The following ZNF610 variants were observed in gnomAD, a reference collection of about 807,000 sequenced individuals.
ZNF610 encodes zinc finger protein 610.
In ZNF610, 14 loss-of-function variants were observed where a neutral mutation model predicts 14.1. That is an observed-to-expected ratio of 0.99 (90% CI 0.65 to 1.55). The LOEUF (loss-of-function observed/expected upper bound fraction) is 1.55. ZNF610 is among the 40% of genes most tolerant of loss of function. ZNF610 has a pLI of 0.00. For synonymous variants in ZNF610, 185 were observed against 187.6 expected, an observed-to-expected ratio of 0.99 and a Z score of 0.11; for missense variants, 530 against 558.0, an observed-to-expected ratio of 0.95 and a Z score of 0.51.
chr19:52,357,713 C>A (rs891552039), intron 5 of ZNF610, among the ~76,000 whole-genome samples: 3 of 151,548 alleles, frequency 2.0e-5, no homozygotes, highest in African/African-American at 7.3e-5. Context: ...ACCTTGTAGT[C>A]CCAGCTACTC....
chr19:52,344,798 T>C (rs1984857636), intron 1 of ZNF610, among the ~76,000 whole-genome samples: 1 of 152,180 alleles, frequency 6.6e-6, no homozygotes, highest in South Asian at 2.1e-4. Context: ...TCCCACTCTC[T>C]TTTGTTTTTG....
chr19:52,342,674 G>A (rs184955094), intron 1 of ZNF610, among the ~76,000 whole-genome samples: 162 of 151,852 alleles, frequency 1.1e-3, no homozygotes, highest in African/African-American at 3.8e-3. Flanking sequence ...CTACAGGTCC[G>A]TACCACCACA....
In ZNF610 at chr19:52,366,051, A is replaced by G; in HGVS notation, c.673A>G (p.Ile225Val). The change falls in exon 6 of 6, where the codon ATC (isoleucine) becomes GTC (valine). Residue 225 changes from isoleucine to valine, a missense_variant. By Grantham distance (29) the Ile-to-Val change is conservative (BLOSUM62 3). Transcript: ENST00000403906. ...TGCAAGCCTTACTAACCATCAAGTAATCCATACTGCAGAGAAACCTTACAA... is the reference window on the plus strand; with the variant it reads ...TGCAAGCCTTACTAACCATCAAGTAGTCCATACTGCAGAGAAACCTTACAA... ...VRASLTNHQV[I>V]HTAEKPYKCT... is the part of the protein sequence containing the mutation. The G allele has an allele frequency of 6.2e-7, 1 of 1,614,140 alleles. No homozygotes were observed. Among genetic ancestry groups the G allele is most frequent in the Non-Finnish European group, 8.5e-7 (1 of 1,180,018 alleles).
rs2122323720 is a variant in ZNF610 at position 52,367,260 on chromosome 19, A to T, written c.*493A>T. 1 of 153,182 alleles carries T rather than the reference A, an allele frequency of 6.5e-6. No individual in the cohort carries two copies. The highest frequency in any genetic ancestry group is 1.9e-4 in the East Asian group (1 of 5,214). The allele number at this position is 153,182 out of a possible 1,614,324, so 9.5% of individuals were successfully genotyped here. A position where few individuals can be genotyped will look rare whatever the true frequency, so the allele number is the denominator to read the frequency against. On this transcript the variant is annotated 3_prime_UTR_variant, in exon 6 of 6. Coordinates refer to ENST00000403906, the MANE Select transcript of ZNF610 (RefSeq NM_001161425.2). The stretch of plus-strand genomic sequence containing the variant: ...TGCCTCAGCCTCCTGAGTAGCTGGG[A>T]TTACAGGCATGTGCCACTACTGCCC...
At chr19:52,353,192 G>A (rs1321472443) in intron 3 of ZNF610, among the ~76,000 whole-genome samples, 1 of 152,158 alleles carries the variant, frequency 6.6e-6, no homozygotes, top group Non-Finnish European at 1.5e-5. Context: ...CATCCACCTC[G>A]GCCTCCCGAA....
chr19:52,355,920 G>A (rs192709243), intron 5 of ZNF610, among the ~76,000 whole-genome samples: 3 of 152,326 alleles, frequency 2.0e-5, no homozygotes, highest in Admixed American at 6.5e-5. Flanking sequence ...CATAGTTCAC[G>A]AGCGGCTTCA....
At chr19:52,359,394 C>G (rs951240898) in intron 5 of ZNF610, among the ~76,000 whole-genome samples, 5 of 152,286 alleles carry the variant, frequency 3.3e-5, no homozygotes, top group African/African-American at 1.2e-4. Flanking sequence ...TTTGCATCTA[C>G]AGATTCCACA....
chr19:52,337,804 C>G (rs1984455944), intron 1 of ZNF610, among the ~76,000 whole-genome samples: 1 of 152,138 alleles, frequency 6.6e-6, no homozygotes, highest in Non-Finnish European at 1.5e-5. Flanking sequence ...AAGTTCCTGC[C>G]TATAAGGGAA....
intron 1 of ZNF610, among the ~76,000 whole-genome samples, chr19:52,346,917 A>G (rs1414497049): frequency 6.6e-6 from 1 of 151,834 alleles, no homozygotes; most frequent in Non-Finnish European, 1.5e-5. Flanking sequence ...TTTAGTGGAG[A>G]TGGGGTTTCA....
At chr19:52,355,609 C>A (rs1985485889) in intron 5 of ZNF610, among the ~76,000 whole-genome samples, 1 of 152,238 alleles carries the variant, frequency 6.6e-6, no homozygotes, top group Admixed American at 6.5e-5. Context: ...GTTCCCAAGC[C>A]TGTCGCCCAC....
intron 5 of ZNF610, among the ~76,000 whole-genome samples, chr19:52,359,291 G>GTT (rs1985670424): frequency 6.6e-6 from 1 of 152,158 alleles, no homozygotes; most frequent in South Asian, 2.1e-4. Flanking sequence ...ATTTGTGTGT[G>GTT]TCTTCTCTAC....
chr19:52,352,529 C>T (rs770944781), intron 3 of ZNF610, among the ~76,000 whole-genome samples: 8 of 152,202 alleles, frequency 5.3e-5, no homozygotes, highest in Non-Finnish European at 8.8e-5. Flanking sequence ...TGAGTCACCG[C>T]ACCGGGCCAA....
chr19:52,345,571 A>G (rs554321872), intron 1 of ZNF610: 1 of 152,356 alleles, frequency 6.6e-6, no homozygotes, highest in South Asian at 2.1e-4. Context: ...AAGTGAAGGA[A>G]AAGAAAAAAA....
At chr19:52,359,663 G>A (rs1383198849) in intron 5 of ZNF610, among the ~76,000 whole-genome samples, 2 of 152,272 alleles carry the variant, frequency 1.3e-5, no homozygotes, top group Middle Eastern at 3.4e-3. Context: ...TAAGACTTCC[G>A]TGACCGACGG....
the ZNF610 span, among the ~76,000 whole-genome samples, chr19:52,330,969 C>G: frequency 6.6e-6 from 1 of 152,086 alleles, no homozygotes; most frequent in Admixed American, 6.6e-5. Flanking sequence ...GATAAGAGAC[C>G]CAACTCCTAT....
At chr19:52,335,644 T>G (rs745790892), upstream of ZNF610, among the ~76,000 whole-genome samples, 1 of 152,088 alleles carries the variant, frequency 6.6e-6, no homozygotes, top group Non-Finnish European at 1.5e-5. Flanking sequence ...CTAGACGGGC[T>G]TAACCTCCCA....
At chr19:52,364,713 G>T (rs1415416267) in intron 5 of ZNF610, among the ~76,000 whole-genome samples, 1 of 152,128 alleles carries the variant, frequency 6.6e-6, no homozygotes, top group Non-Finnish European at 1.5e-5. Flanking sequence ...AAGTAGCTGG[G>T]ATTACAGGCA....
At chr19:52,331,959 G>A (rs1180460106), upstream of ZNF610, among the ~76,000 whole-genome samples, 3 of 152,208 alleles carry the variant, frequency 2.0e-5, no homozygotes, top group African/African-American at 7.2e-5. Flanking sequence ...GCATCACGAA[G>A]TGGCACCCTG....
intron 1 of ZNF610, among the ~76,000 whole-genome samples, chr19:52,345,865 C>T (rs1189195110): frequency 2.0e-5 from 3 of 151,588 alleles, no homozygotes; most frequent in South Asian, 4.2e-4. Flanking sequence ...CCACCACGCC[C>T]AGCTAATTTT....
Sources: allele counts gnomAD v4.1 joint callset (sites outside exome capture counted in the v4.1 genomes callset), GRCh38; gene constraint gnomAD v4.1.1; transcripts MANE v1.5; gene names NCBI Gene and HGNC (gene_info 2026-07-23, HGNC 2026-07-21).